Variants in GABRG3 observed in about 807,000 individuals in gnomAD.
GABRG3 encodes gamma-aminobutyric acid receptor subunit gamma-3.
Under a neutral mutation model 48.8 loss-of-function variants are expected in GABRG3, and 25 were observed. That is an observed-to-expected ratio of 0.51 (90% confidence interval 0.37 to 0.72). GABRG3 has a LOEUF of 0.72. GABRG3 is among the 30% of genes least tolerant of loss of function. GABRG3 has a pLI of 0.00. For synonymous variants in GABRG3, 227 were observed against 217.6 expected (o/e 1.04, Z -0.38); for missense variants, 394 against 577.9 (o/e 0.68, Z 3.26).
chr15:27,065,970 C>T (rs1250066899), intron 3 of GABRG3, among the ~76,000 whole-genome samples: 2 of 152,196 alleles, frequency 1.3e-5, no homozygotes, highest in African/African-American at 4.8e-5. Context: ...AAAATATTCT[C>T]TGCAGGAAGA....
chr15:27,122,518 GT>G (rs1042366805), intron 3 of GABRG3, among the ~76,000 whole-genome samples: 1 of 152,230 alleles, frequency 6.6e-6, no homozygotes, highest in African/African-American at 2.4e-5. Context: ...ATTATTCCAT[GT>G]GTGGAGGAAT....
intron 5 of GABRG3, among the ~76,000 whole-genome samples, chr15:27,353,363 C>T (rs994139620): frequency 6.6e-6 from 1 of 152,176 alleles, no homozygotes; most frequent in Non-Finnish European, 1.5e-5. Context: ...GACCCTGCAG[C>T]AGCTCTTCTC....
In GABRG3 at chr15:27,172,007, C is replaced by T. The variant is rs566689808; in HGVS notation, c.270+145186C>T. 6.3e-5 allele frequency among the ~76,000 whole-genome samples: 7 copies of T among 110,778 alleles called. No homozygotes were observed. The South Asian group carries it at 1.9e-3, about 29-fold the overall frequency. 72.7% of individuals were successfully genotyped at this position (110,778 alleles called of 152,430 possible). Reference sequence around the variant, plus strand: ...CGAATAAGCACGAAAGACAGAAAAACGGGGCCAAACTTACTTTAATCAGGA... The same window carrying T: ...CGAATAAGCACGAAAGACAGAAAAATGGGGCCAAACTTACTTTAATCAGGA... On this transcript the variant is annotated intron_variant, in intron 3 of 9. Transcript: ENST00000615808.
chr15:27,263,933 A>AAG (rs1430434643), intron 3 of GABRG3, among the ~76,000 whole-genome samples: 1 of 101,476 alleles, frequency 9.9e-6, no homozygotes, highest in Non-Finnish European at 2.3e-5. Flanking sequence ...CAAAAAAAAA[A>AAG]AAAAAGAAAA....
At chr15:27,398,064 C>T (rs999549966) in intron 5 of GABRG3, among the ~76,000 whole-genome samples, 2 of 152,044 alleles carry the variant, frequency 1.3e-5, no homozygotes, top group African/African-American at 4.8e-5. Context: ...TCGGCCTCCC[C>T]AAGTGCTGGG....
At chr15:27,055,772 AC>A (rs1896534706) in intron 3 of GABRG3, among the ~76,000 whole-genome samples, 1 of 152,194 alleles carries the variant, frequency 6.6e-6, no homozygotes, top group Non-Finnish European at 1.5e-5. Flanking sequence ...GATAAGGGAT[AC>A]CCAACCAGTA....
intron 3 of GABRG3, among the ~76,000 whole-genome samples, chr15:27,193,443 C>T (rs2140424167): frequency 6.6e-6 from 1 of 152,068 alleles, no homozygotes; most frequent in African/African-American, 2.4e-5. Context: ...CTCCCCCAGC[C>T]TCACTGCCGC....
At chr15:27,315,870 T>C (rs1400743815) in intron 3 of GABRG3, among the ~76,000 whole-genome samples, 2 of 152,328 alleles carry the variant, frequency 1.3e-5, no homozygotes, top group Non-Finnish European at 1.5e-5. Context: ...CATTTCTCCT[T>C]ATGTAGCTCA....
chr15:27,058,349 G>GC (rs1896587859), intron 3 of GABRG3, among the ~76,000 whole-genome samples: 2 of 152,224 alleles, frequency 1.3e-5, no homozygotes, highest in Non-Finnish European at 2.9e-5. Flanking sequence ...GCAGAGCCTT[G>GC]CTGAGCAGTT....
chr15:27,277,932 T>C (rs1891308924), intron 3 of GABRG3, among the ~76,000 whole-genome samples: 1 of 152,168 alleles, frequency 6.6e-6, no homozygotes, highest in Non-Finnish European at 1.5e-5. Context: ...ACCACATCTA[T>C]CATAATAACT....
In GABRG3 at chr15:27,180,674, C is replaced by T. The variant is rs7497061; in HGVS notation, c.271-146135C>T. ...GTGTGTGTTTGTGTGTGCACGCGCG[C>T]GCACCCCAGGTCAGTTCTAGCAATA... On this transcript the variant is annotated intron_variant, in intron 3 of 9. Coordinates refer to ENST00000615808, the MANE Select transcript of GABRG3 (RefSeq NM_033223.5). The surrounding 1 kb of genome is among the most constrained non-coding windows in gnomAD (Gnocchi z 4.2). Among the ~76,000 whole-genome samples the T allele has an allele frequency of 0.6, 90,308 of 151,730 alleles. 27,587 individuals carry two copies. The highest frequency in any genetic ancestry group is 0.88 in the East Asian group (4,503 of 5,130).
intron 3 of GABRG3, among the ~76,000 whole-genome samples, chr15:27,136,000 C>G (rs889052836): frequency 6.6e-6 from 1 of 152,170 alleles, no homozygotes; most frequent in Non-Finnish European, 1.5e-5. Context: ...AGCGGATGCT[C>G]AGAAAGCTCA....
intron 7 of GABRG3, among the ~76,000 whole-genome samples, chr15:27,521,501 T>G (rs1029588997): frequency 6.6e-6 from 1 of 152,070 alleles, no homozygotes; most frequent in African/African-American, 2.4e-5. Flanking sequence ...TTCTAAGATG[T>G]AGAAAAATGT....
intron 3 of GABRG3, among the ~76,000 whole-genome samples, chr15:27,106,412 T>A (rs988407025): frequency 2.6e-5 from 4 of 151,786 alleles, no homozygotes; most frequent in African/African-American, 7.3e-5. Context: ...AAAATTATTT[T>A]AAAAATATTC....
chr15:27,270,836 A>G (rs1484152371), intron 3 of GABRG3, among the ~76,000 whole-genome samples: 1 of 152,228 alleles, frequency 6.6e-6, no homozygotes, highest in African/African-American at 2.4e-5. Context: ...CCCTTACCTC[A>G]TAAATGTGTA....
Position 27,541,151 on chromosome 15 carries a change from T to G in GABRG3, c.*8270T>G, listed in dbSNP as rs1014882412. On this transcript the variant is annotated 3_prime_UTR_variant, in exon 10 of 10. Transcript: ENST00000615808. ...CCTCTGGGGTCCACACAAGCCTGCC[T>G]CCTTTGGAGAGCCCTTGAGCATCAC... 4 of 152,186 alleles carry G rather than the reference T, an allele frequency of 2.6e-5. No homozygotes were observed. The highest frequency in any genetic ancestry group is 1.3e-4 in the Admixed American group (2 of 15,278). The allele number at this position is 152,186 out of a possible 1,614,324, so 9.4% of individuals were successfully genotyped here. A position where few individuals can be genotyped will look rare whatever the true frequency, so the allele number is the denominator to read the frequency against.
At chr15:27,113,131 T>C (rs1897582316) in intron 3 of GABRG3, among the ~76,000 whole-genome samples, 1 of 152,144 alleles carries the variant, frequency 6.6e-6, no homozygotes, top group South Asian at 2.1e-4. Context: ...TTTATCTTCC[T>C]TTCATTCTAT....
intron 3 of GABRG3, among the ~76,000 whole-genome samples, chr15:27,113,897 CT>C (rs1363720150): frequency 2.0e-5 from 3 of 152,158 alleles, no homozygotes; most frequent in African/African-American, 7.2e-5. Context: ...TTCCCCTTTA[CT>C]TACTAGTTTG....
At chr15:27,384,534 T>G (rs114882293) in intron 5 of GABRG3, among the ~76,000 whole-genome samples, 5 of 151,780 alleles carry the variant, frequency 3.3e-5, no homozygotes, top group African/African-American at 1.2e-4. Context: ...GACGTTGGAG[T>G]CAATTTAATT....
Sources: allele counts gnomAD v4.1 joint callset (sites outside exome capture counted in the v4.1 genomes callset), GRCh38; gene constraint gnomAD v4.1.1; non-coding constraint Gnocchi (gnomAD v3.1); transcripts MANE v1.5; gene names NCBI Gene and HGNC (gene_info 2026-07-23, HGNC 2026-07-21).